Variants in SHC4 observed in about 807,000 individuals in gnomAD.
SHC4 encodes SHC-transforming protein 4.
In SHC4, 41 loss-of-function variants were observed where a neutral mutation model predicts 69.4. That is an observed-to-expected ratio of 0.59 (90% CI 0.46 to 0.77). SHC4 has a LOEUF of 0.77. Ranked by LOEUF, SHC4 falls within the 30% of genes least tolerant of loss-of-function variation. SHC4 has a pLI of 0.00. For synonymous variants in SHC4, 318 were observed against 299.3 expected, an observed-to-expected ratio of 1.06 and a Z score of -0.64; for missense variants, 777 against 783.8, an observed-to-expected ratio of 0.99 and a Z score of 0.10.
chr15:48,884,420 A>G (rs1196272868), intron 3 of SHC4, 53 bp from the exon 4 acceptor site: 2 of 1,469,132 alleles, frequency 1.4e-6, no homozygotes, highest in Non-Finnish European at 1.8e-6. Flanking sequence ...TTGTTACAGA[A>G]TAAATGTTAA....
chr15:48,930,704 A>C (rs1008609234), intron 1 of SHC4, among the ~76,000 whole-genome samples: 1 of 152,232 alleles, frequency 6.6e-6, no homozygotes, highest in Non-Finnish European at 1.5e-5. Flanking sequence ...CTATGATATA[A>C]GGAGGGTCTG....
intron 1 of SHC4, chr15:48,946,655 C>T: frequency 1.1e-6 from 1 of 928,344 alleles, no homozygotes; most frequent in Non-Finnish European, 1.3e-6. Context: ...ATGGCTGTTC[C>T]CCATTCCTTG....
intron 1 of SHC4, among the ~76,000 whole-genome samples, chr15:48,940,095 G>C (rs891945760): frequency 6.6e-6 from 1 of 152,244 alleles, no homozygotes. Flanking sequence ...ACAGGGCCCT[G>C]TCGATTTTCT....
intron 2 of SHC4, among the ~76,000 whole-genome samples, chr15:48,910,234 C>T (rs1335065918): frequency 2.0e-5 from 3 of 151,882 alleles, no homozygotes; most frequent in African/African-American, 7.3e-5. Context: ...ATTTCAATCT[C>T]GCTGCTTGTT....
chr15:48,962,288 G>T, intron 1 of SHC4, 143 bp downstream of exon 1: 2 of 818,348 alleles, frequency 2.4e-6, no homozygotes, highest in Non-Finnish European at 3.7e-6. Flanking sequence ...TATAAACCCA[G>T]CTCCCCTCCG....
At chr15:48,850,117 C>T (rs1595731412) in intron 9 of SHC4, among the ~76,000 whole-genome samples, 1 of 152,140 alleles carries the variant, frequency 6.6e-6, no homozygotes, top group South Asian at 2.1e-4. Context: ...GCAGGAGAAT[C>T]GCTTGAACCC....
At chr15:48,911,370 A>G (rs12439370) in intron 2 of SHC4, among the ~76,000 whole-genome samples, 22,235 of 152,080 alleles carry the variant, frequency 0.15, 1,723 homozygotes, top group East Asian at 0.18. Context: ...TTTGTCTGAT[A>G]TAAGAATAGC....
intron 2 of SHC4, among the ~76,000 whole-genome samples, chr15:48,904,316 A>C (rs373245051): frequency 6.6e-6 from 1 of 152,360 alleles, no homozygotes; most frequent in African/African-American, 2.4e-5. Context: ...TATGGACAAA[A>C]CAGGGTTAAT....
chr15:48,838,343 T>C (rs1443375081), intron 10 of SHC4, among the ~76,000 whole-genome samples: 2 of 152,236 alleles, frequency 1.3e-5, no homozygotes, highest in Non-Finnish European at 2.9e-5. Flanking sequence ...GTATTGATTT[T>C]GGAGTTACAA....
chr15:48,911,504 G>A (rs927390716), intron 2 of SHC4, among the ~76,000 whole-genome samples: 4 of 152,138 alleles, frequency 2.6e-5, no homozygotes, highest in Non-Finnish European at 5.9e-5. Flanking sequence ...TGGTTGGTGA[G>A]TTCTTATCCA....
chr15:48,951,795 C>T (rs1386401219), intron 1 of SHC4, among the ~76,000 whole-genome samples: 1 of 152,216 alleles, frequency 6.6e-6, no homozygotes, highest in Non-Finnish European at 1.5e-5. Flanking sequence ...GCCCTTTCTT[C>T]TCTGAACTCC....
intron 4 of SHC4, chr15:48,878,790 T>C: frequency 6.6e-7 from 1 of 1,524,944 alleles, no homozygotes; most frequent in Non-Finnish European, 8.9e-7. Flanking sequence ...GACCCAACTT[T>C]CCGCTATCTT....
intron 2 of SHC4, among the ~76,000 whole-genome samples, chr15:48,922,838 T>C (rs982755923): frequency 1.4e-5 from 2 of 148,042 alleles, no homozygotes; most frequent in African/African-American, 5.0e-5. Context: ...CTGAAATATG[T>C]CCATCAAAGT....
At chr15:48,878,064 G>A (rs1899852050) in intron 4 of SHC4, 1 of 1,389,920 alleles carries the variant, frequency 7.2e-7, no homozygotes, top group Non-Finnish European at 9.7e-7. Flanking sequence ...TGAGGACCAC[G>A]CCTGCGCGCG....
At chr15:48,877,504 A>G (rs994834319) in intron 4 of SHC4, 5 of 984,688 alleles carry the variant, frequency 5.1e-6, no homozygotes, top group Admixed American at 1.2e-4. Context: ...ACAAAATAGT[A>G]TTTTGCTGTC....
intron 8 of SHC4, among the ~76,000 whole-genome samples, chr15:48,852,334 GACTT>G (rs752818530): frequency 1.2e-4 from 19 of 152,240 alleles, no homozygotes; most frequent in Admixed American, 2.6e-4. Flanking sequence ...GAAAAGGTAA[GACTT>G]ACTTTGAAAC....
At chr15:48,930,098 C>T (rs1000971719) in intron 1 of SHC4, among the ~76,000 whole-genome samples, 4 of 151,984 alleles carry the variant, frequency 2.6e-5, no homozygotes, top group Non-Finnish European at 5.9e-5. Context: ...TACAAGCACG[C>T]TACCTAAAGA....
At chr15:48,942,223 G>A (rs1383698967) in intron 1 of SHC4, among the ~76,000 whole-genome samples, 3 of 151,992 alleles carry the variant, frequency 2.0e-5, no homozygotes, top group African/African-American at 4.8e-5. Context: ...TGTGATGGAC[G>A]ACACTATTTG....
At position 48,962,423 on chromosome 15, in the gene SHC4, G is replaced by T; in HGVS notation, c.585+8C>A. 6.6e-7 allele frequency: 1 copy of T among 1,513,520 alleles called. No homozygotes were observed. Among genetic ancestry groups the T allele is most frequent in the South Asian group, 1.3e-5 (1 of 74,658 alleles). 93.8% of individuals were successfully genotyped at this position (1,513,520 alleles called of 1,614,324 possible). ...GTTCTTAGAGGGCAGAGAGGAAAATGGACTTACCCTCACACAGTAGTTCAT... is the reference window on the plus strand; with the variant it reads ...GTTCTTAGAGGGCAGAGAGGAAAATTGACTTACCCTCACACAGTAGTTCAT... On this transcript the variant is annotated splice_region_variant and intron_variant, in intron 1 of 11. Transcript: ENST00000332408.
Sources: allele counts gnomAD v4.1 joint callset (sites outside exome capture counted in the v4.1 genomes callset), GRCh38; gene constraint gnomAD v4.1.1; transcripts MANE v1.5; gene names NCBI Gene and HGNC (gene_info 2026-07-23, HGNC 2026-07-21).